Variants in FBXW8 observed in about 807,000 individuals in gnomAD.
FBXW8 encodes the protein F-box and WD repeat domain containing 8.
FBXW8 carries 57 observed loss-of-function variants against 65.3 expected under a neutral mutation model. The observed-to-expected ratio is 0.87, with a 90% CI of 0.71 to 1.09. The LOEUF (loss-of-function observed/expected upper bound fraction) is 1.09, where lower values mean the gene tolerates loss of function less well. FBXW8 is among the 50% of genes least tolerant of loss of function. The pLI is 0.00. For synonymous variants in FBXW8, 308 were observed against 330.2 expected (o/e 0.93, Z 0.73); for missense variants, 777 against 814.8 (o/e 0.95, Z 0.57).
At chr12:116,921,188 C>A (rs187558137) in intron 1 of FBXW8, among the ~76,000 whole-genome samples, 36 of 152,308 alleles carry the variant, frequency 2.4e-4, no homozygotes, top group African/African-American at 7.2e-4. Context: ...AAGGATAAAT[C>A]AAATTCCATG....
At chr12:116,941,192 A>C (rs1248165308) in intron 2 of FBXW8, among the ~76,000 whole-genome samples, 1 of 152,200 alleles carries the variant, frequency 6.6e-6, no homozygotes, top group Non-Finnish European at 1.5e-5. Context: ...GAAGCATTGC[A>C]GGATTGCCTG....
In FBXW8 at chr12:116,964,594, C is replaced by A. The variant is rs574591683; in HGVS notation, c.678-103C>A. The A allele has an allele frequency of 1.0e-5, 14 of 1,403,734 alleles. No homozygotes were observed. In the African/African-American group the frequency reaches 2.0e-4, roughly 20 times the overall value. The allele number at this position is 1,403,734 out of a possible 1,614,324, so 87.0% of individuals were successfully genotyped here. A position where few individuals can be genotyped will look rare whatever the true frequency, so the allele number is the denominator to read the frequency against. ...GTGCCTCAGCAGTGGCTCTACACCA[C>A]CCGATTCTTACTTGTCTGTTGTTGT... On this transcript the variant is annotated intron_variant, in intron 4 of 10. Coordinates refer to ENST00000652555, the MANE Select transcript of FBXW8 (RefSeq NM_153348.3).
chr12:116,994,712 G>A (rs1289920147), intron 7 of FBXW8, among the ~76,000 whole-genome samples: 2 of 152,158 alleles, frequency 1.3e-5, no homozygotes, highest in Non-Finnish European at 2.9e-5. Context: ...ACTTTTTCAT[G>A]TTTTGGTTTT....
At chr12:116,978,720 G>A (rs1360229454) in intron 5 of FBXW8, 3 of 152,150 alleles carry the variant, frequency 2.0e-5, no homozygotes, top group Non-Finnish European at 4.4e-5. Context: ...TTGAAGAAGG[G>A]ACTAGTCTAT....
At chr12:116,942,627 G>A (rs1427187388) in intron 2 of FBXW8, among the ~76,000 whole-genome samples, 1 of 151,944 alleles carries the variant, frequency 6.6e-6, no homozygotes, top group Admixed American at 6.6e-5. Context: ...ACCTGCCTCA[G>A]CTTCCCAAAG....
At chr12:116,923,335 A>C (rs565094766) in intron 1 of FBXW8, among the ~76,000 whole-genome samples, 31 of 152,216 alleles carry the variant, frequency 2.0e-4, no homozygotes, top group Non-Finnish European at 4.3e-4. Context: ...AAAGTCCCCA[A>C]TAGTGGTAGA....
intron 5 of FBXW8, among the ~76,000 whole-genome samples, chr12:116,972,268 T>C (rs1884685905): frequency 6.6e-6 from 1 of 152,194 alleles, no homozygotes; most frequent in Non-Finnish European, 1.5e-5. Flanking sequence ...AGAAATAAAT[T>C]GCCCAAGTTC....
In FBXW8 at chr12:117,027,439, G is replaced by A. The variant is rs138310939; in HGVS notation, c.1587G>A (p.Thr529=). Residue 529 remains threonine, a synonymous_variant, in exon 10 of 11, where the codon ACG becomes ACA. Coordinates refer to ENST00000652555, the MANE Select transcript of FBXW8 (RefSeq NM_153348.3). The stretch of plus-strand genomic sequence containing the variant: ...CATTCAGCAGCCACAGCCTCATCAC[G>A]GCCAACGTGCCTTACCAGACGGTAA... The part of the protein sequence containing the change: ...HISFSSHSLI[T]ANVPYQTVMR... 2.1e-4 allele frequency: 334 copies of A among 1,614,148 alleles called. 1 individual carries two copies. Among genetic ancestry groups the A allele is most frequent in the East Asian group, 1.3e-4 (6 of 44,876 alleles).
chr12:117,017,723 T>C (rs1953987001), intron 8 of FBXW8, among the ~76,000 whole-genome samples: 2 of 152,206 alleles, frequency 1.3e-5, no homozygotes. Context: ...TCTCTTTGTT[T>C]TCTGGGTAGA....
intron 2 of FBXW8, among the ~76,000 whole-genome samples, chr12:116,940,268 T>A (rs551386225): frequency 1.7e-4 from 25 of 150,898 alleles, no homozygotes; most frequent in East Asian, 9.7e-4. Flanking sequence ...TTTTTTTTTT[T>A]AAATAATTAA....
intron 2 of FBXW8, among the ~76,000 whole-genome samples, chr12:116,939,281 C>A (rs963010209): frequency 6.6e-6 from 1 of 152,184 alleles, no homozygotes. Context: ...TTGGGAGACT[C>A]AGTCAGAATA....
intron 1 of FBXW8, among the ~76,000 whole-genome samples, chr12:116,920,165 C>T (rs892725189): frequency 6.6e-6 from 1 of 152,182 alleles, no homozygotes; most frequent in African/African-American, 2.4e-5. Context: ...TTTCCCCCAA[C>T]TAAAAAGTTC....
chr12:116,996,074 AAG>A (rs959356145), intron 7 of FBXW8, among the ~76,000 whole-genome samples: 1 of 152,196 alleles, frequency 6.6e-6, no homozygotes, highest in Admixed American at 6.5e-5. Flanking sequence ...CTCATAAAGG[AAG>A]AGAGAGATCC....
rs765136531 is a variant in FBXW8, at chr12:116,985,329, T to C, written c.959T>C (p.Phe320Ser). 10 of 1,614,082 alleles carry C rather than the reference T, an allele frequency of 6.2e-6. No individual in the cohort carries two copies. In the African/African-American group the frequency reaches 6.7e-5, roughly 11 times the overall value. Residue 320 changes from phenylalanine (F) to serine (S), a missense_variant, in exon 6 of 11, where the codon TTT (phenylalanine) becomes TCT (serine). By Grantham distance (155) the Phe-to-Ser change is radical. Transcript: ENST00000652555. ...DDATVATASA[F>S]DVVMLSPNEE... ...GCAACCGTGGCCACAGCTTCTGCTT[T>C]TGATGTCGTGATGTTATCCCCCAAT...
At chr12:116,922,919 A>G (rs1354153037) in intron 1 of FBXW8, among the ~76,000 whole-genome samples, 3 of 152,132 alleles carry the variant, frequency 2.0e-5, no homozygotes, top group African/African-American at 7.2e-5. Flanking sequence ...CGCCTGAGAA[A>G]GAGGTGCTTG....
intron 6 of FBXW8, chr12:116,985,843 C>T (rs1885641378): frequency 6.5e-6 from 1 of 154,754 alleles, no homozygotes; most frequent in South Asian, 2.0e-4. Flanking sequence ...CTTTCTTCAT[C>T]CCAAGACTGT....
intron 5 of FBXW8, 101 bp downstream of exon 5, chr12:116,964,955 A>ACGCCCCCGGTCGGTCTCCC: frequency 8.6e-7 from 1 of 1,164,582 alleles, no homozygotes; most frequent in Non-Finnish European, 1.2e-6. Context: ...CCATATGTAC[A>ACGCCCCCGGTCGGTCTCCC]CGTGGGCACA....
At chr12:117,015,473 T>C (rs1260162261) in intron 8 of FBXW8, among the ~76,000 whole-genome samples, 1 of 152,060 alleles carries the variant, frequency 6.6e-6, no homozygotes, top group Admixed American at 6.6e-5. Context: ...ATGAGGGCCC[T>C]TCCTATTCTG....
At chr12:116,930,242 A>G (rs1041804561) in intron 2 of FBXW8, among the ~76,000 whole-genome samples, 2 of 152,106 alleles carry the variant, frequency 1.3e-5, no homozygotes, top group Admixed American at 1.3e-4. Flanking sequence ...ATTCTAAGGA[A>G]CCTGTTTCCT....
Sources: gnomAD v4.1 joint callset for allele counts (sites outside exome capture counted in the v4.1 genomes callset) on GRCh38, gnomAD v4.1.1 for gene constraint, MANE v1.5 for transcripts, NCBI Gene and HGNC (gene_info 2026-07-23, HGNC 2026-07-21) for gene names.